Variants in TUBE1 observed in about 807,000 individuals in gnomAD.
TUBE1 encodes tubulin epsilon chain.
Under a neutral mutation model 53.5 loss-of-function variants are expected in TUBE1, and 34 were observed. The observed-to-expected ratio is 0.64, with a 90% CI of 0.48 to 0.85. The LOEUF (loss-of-function observed/expected upper bound fraction) is 0.85, where lower values mean the gene tolerates loss of function less well. Among genes scored for constraint, TUBE1 ranks in the 40% least tolerant of loss-of-function variants. The probability of loss-of-function intolerance (pLI) is 0.00; values close to 1 mark genes in which losing one functional copy is unlikely to be tolerated. For synonymous variants in TUBE1, 177 were observed against 198.4 expected, an observed-to-expected ratio of 0.89 and a Z score of 0.91; for missense variants, 532 against 570.5, an observed-to-expected ratio of 0.93 and a Z score of 0.69.
chr6:112,081,169 T>A lies in TUBE1; in HGVS notation c.249A>T (p.Glu83Asp). 1 of 1,609,230 alleles carries A rather than the reference T, an allele frequency of 6.2e-7. No individual in the cohort carries two copies. The highest frequency in any genetic ancestry group is 8.5e-7 in the Non-Finnish European group (1 of 1,177,636). The stretch of plus-strand genomic sequence containing the variant: ...CATCTCTCAGTGGTCCCTGCAGAAT[T>A]TCATTCACTACCCCTTCTTCCATAT... Reference protein sequence around the residue: ...LIDMEEGVVNEILQGPLRDVF... With the variant: ...LIDMEEGVVNDILQGPLRDVF... Residue 83 changes from glutamate to aspartate, a missense_variant, in exon 5 of 12, where the codon GAA (glutamate) becomes GAT (aspartate). Coordinates refer to ENST00000368662, the MANE Select transcript of TUBE1 (RefSeq NM_016262.5).
chr6:112,072,270 A>G (rs962669276), intron 10 of TUBE1, among the ~76,000 whole-genome samples, 194 bp from the exon 11 acceptor site: 6 of 152,160 alleles, frequency 3.9e-5, no homozygotes, highest in African/African-American at 1.4e-4. Flanking sequence ...ACTAAGAGAC[A>G]TTTTGTAGGG....
chr6:112,077,823 A>G (rs1232692740), intron 6 of TUBE1: 1 of 152,052 alleles, frequency 6.6e-6, no homozygotes, highest in Non-Finnish European at 1.5e-5. Context: ...AAACCCATAA[A>G]AAATAACAAG....
At chr6:112,086,691 C>T in intron 2 of TUBE1, 83 bp from the exon 3 acceptor site, 1 of 856,232 alleles carries the variant, frequency 1.2e-6, no homozygotes, top group Non-Finnish European at 1.9e-6. Context: ...TTACATAATA[C>T]TGTAATGGCT....
At chr6:112,079,543 G>C in intron 6 of TUBE1, 90 bp downstream of exon 6, 1 of 1,322,622 alleles carries the variant, frequency 7.6e-7, no homozygotes, top group Non-Finnish European at 1.1e-6. Flanking sequence ...TCTTTATCAA[G>C]CACAGGTCTA....
intron 10 of TUBE1, 98 bp from the exon 11 acceptor site, chr6:112,072,174 G>T: frequency 1.2e-6 from 1 of 855,866 alleles, no homozygotes; most frequent in Non-Finnish European, 1.8e-6. Context: ...AGAACATTAT[G>T]GATGGTATCA....
At chr6:112,076,298 A>T (rs782194607) in intron 7 of TUBE1, 24 bp downstream of exon 7, 1 of 1,536,062 alleles carries the variant, frequency 6.5e-7, no homozygotes, top group Non-Finnish European at 8.8e-7. Context: ...ACATTTATTC[A>T]TAAGTTCCAA....
chr6:112,087,135 T>A, intron 2 of TUBE1, 98 bp downstream of exon 2: 1 of 1,077,552 alleles, frequency 9.3e-7, no homozygotes, highest in Non-Finnish European at 1.3e-6. Context: ...CCCATGCATC[T>A]TAAACGGGTC....
chr6:112,074,855 A>G lies in TUBE1; in HGVS notation c.813-5T>C. ...GACCCTTCAAATCTTGCAGAGCTAA[A>G]AAGTTAACATTAAAATGAGAAAATT... On this transcript the variant is annotated splice_polypyrimidine_tract_variant and splice_region_variant and intron_variant, in intron 8 of 11. Transcript: ENST00000368662. 1.3e-6 allele frequency: 2 copies of G among 1,564,318 alleles called. No individual in the cohort carries two copies. The highest frequency in any genetic ancestry group is 1.7e-6 in the Non-Finnish European group (2 of 1,161,268).
intron 9 of TUBE1, 108 bp from the exon 10 acceptor site, chr6:112,073,006 A>C (rs1776896373): frequency 1.6e-5 from 14 of 849,688 alleles, no homozygotes; most frequent in Non-Finnish European, 2.2e-5. Flanking sequence ...TAAATATTAC[A>C]CTAACAAAAT....
At chr6:112,083,549 A>G (rs1258652632) in intron 4 of TUBE1, among the ~76,000 whole-genome samples, 3 of 152,040 alleles carry the variant, frequency 2.0e-5, no homozygotes, top group Non-Finnish European at 4.4e-5. Flanking sequence ...TGATCTCCTG[A>G]CCTTGTGATC....
rs1390535383 is a variant in TUBE1 at position 112,076,082 on chromosome 6, G to A, written c.667C>T (p.Leu223Phe). ...CCCAACTTTCCAGAATTCACCATGA[G>A]GTCGATTTTGCTAATGATGTCAAAT... is the stretch of plus-strand genomic sequence containing the variant. ...SLFDIISKID[L>F]MVNSGKLGTT... The change falls in exon 8 of 12, where the codon CTC (leucine) becomes TTC (phenylalanine). Residue 223 changes from leucine (L) to phenylalanine (F), a missense_variant. Physicochemically the swap from Leu to Phe is conservative, Grantham distance 22. Transcript: ENST00000368662. The A allele has an allele frequency of 6.2e-7, 1 of 1,612,658 alleles. No individual in the cohort carries two copies. Among genetic ancestry groups the A allele is most frequent in the African/African-American group, 1.3e-5 (1 of 74,810 alleles).
intron 10 of TUBE1, 103 bp downstream of exon 10, chr6:112,072,655 G>GT (rs1168683256): frequency 2.4e-5 from 29 of 1,217,504 alleles, no homozygotes; most frequent in Non-Finnish European, 3.2e-5. Context: ...TCACACTTTA[G>GT]TAAGTGGCAC....
rs892443054 is a variant in TUBE1 at position 112,076,048 on chromosome 6, A to G, written c.701T>C (p.Val234Ala). 6.2e-7 allele frequency: 1 copy of G among 1,613,796 alleles called. No homozygotes were observed. The highest frequency in any genetic ancestry group is 8.5e-7 in the Non-Finnish European group (1 of 1,179,908). Residue 234 changes from valine (V) to alanine (A), a missense_variant, in exon 8 of 12, where the codon GTG (valine) becomes GCG (alanine). Val to Ala is a moderately conservative substitution (Grantham distance 64). Coordinates refer to ENST00000368662, the MANE Select transcript of TUBE1 (RefSeq NM_016262.5). The stretch of plus-strand genomic sequence containing the variant: ...TGAAGTAACCAGACTCTTTGGCTTC[A>G]CAGTTGTACCCAACTTTCCAGAATT... The part of the protein sequence containing the change: ...MVNSGKLGTT[V>A]KPKSLVTSSS...
At position 112,075,974 on chromosome 6, in the gene TUBE1, T is replaced by C. The variant is rs781873859; in HGVS notation, c.775A>G (p.Asn259Asp). The change falls in exon 8 of 12, where the codon AAT (asparagine) becomes GAT (aspartate). Residue 259 changes from asparagine (N) to aspartate (D), a missense_variant. Asn to Asp is a conservative substitution (Grantham distance 23). Coordinates refer to ENST00000368662, the MANE Select transcript of TUBE1 (RefSeq NM_016262.5). The stretch of plus-strand genomic sequence containing the variant: ...AGGAGCAAATTTGCCACAATGTTAT[T>C]CATTGCATCAAAGGGCTTCTTATGC... ...KQHKKPFDAMNNIVANLLLNL... is the reference protein window; with the variant it reads ...KQHKKPFDAMDNIVANLLLNL... The C allele has an allele frequency of 1.9e-6, 3 of 1,613,748 alleles. No homozygotes were observed. Among genetic ancestry groups the C allele is most frequent in the East Asian group, 2.2e-5 (1 of 44,848 alleles).
chr6:112,081,229 T>C (rs1554316735), intron 4 of TUBE1, 22 bp from the exon 5 acceptor site: 2 of 1,312,750 alleles, frequency 1.5e-6, no homozygotes, highest in Non-Finnish European at 2.2e-6. Context: ...AAATAAAATA[T>C]AATTAATGTA....
chr6:112,076,257 CACAT>C, intron 7 of TUBE1, 61 bp downstream of exon 7: 11 of 1,474,636 alleles, frequency 7.5e-6, no homozygotes, highest in Non-Finnish European at 9.1e-6. Flanking sequence ...CATATAAACA[CACAT>C]ACATAATACA....
rs782388478 is a variant in TUBE1, at chr6:112,072,870, T to G, written c.982A>C (p.Ser328Arg). The change falls in exon 10 of 12, where the codon AGT (serine) becomes CGT (arginine). Residue 328 changes from serine to arginine, a missense_variant. Ser to Arg is a moderately radical substitution (Grantham distance 110). Coordinates refer to ENST00000368662, the MANE Select transcript of TUBE1 (RefSeq NM_016262.5). ...RLDQMFSDAF[S>R]KDHQLLRADP... ...GCCCGAAGCAGCTGGTGATCTTTAC[T>G]AAAGGCATCTGAAAACATCTGATCC... 1.2e-6 allele frequency: 2 copies of G among 1,613,254 alleles called. No individual in the cohort carries two copies. The highest frequency in any genetic ancestry group is 2.7e-5 in the African/African-American group (2 of 74,900).
Position 112,075,064 on chromosome 6 carries a change from C to CTTTT in TUBE1, c.813-215_813-214insAAAA, listed in dbSNP as rs781833721. On this transcript the variant is annotated intron_variant, in intron 8 of 11. Coordinates refer to ENST00000368662, the MANE Select transcript of TUBE1 (RefSeq NM_016262.5). ...CACACAACATCTACATTTTTTTTTT[C>CTTTT]TTTCTTTTTTTTTTTTTTTTGAGAC... 26 of 165,286 alleles carry CTTTT rather than the reference C, an allele frequency of 1.6e-4. 1 individual carries two copies. Among genetic ancestry groups the CTTTT allele is most frequent in the East Asian group, 3.8e-4 (3 of 8,000 alleles). 10.2% of individuals were successfully genotyped at this position (165,286 alleles called of 1,614,324 possible). A position where few individuals can be genotyped will look rare whatever the true frequency, so the allele number is the denominator to read the frequency against.
intron 9 of TUBE1, 129 bp from the exon 10 acceptor site, chr6:112,073,027 A>C: frequency 5.6e-6 from 3 of 540,392 alleles, no homozygotes; most frequent in Non-Finnish European, 5.6e-6. Context: ...ATTAGATTAT[A>C]TATATTCTAA....
Sources: gnomAD v4.1 joint callset for allele counts (sites outside exome capture counted in the v4.1 genomes callset) on GRCh38, gnomAD v4.1.1 for gene constraint, MANE v1.5 for transcripts, NCBI Gene and HGNC (gene_info 2026-07-23, HGNC 2026-07-21) for gene names.